Variants in HTR1F observed in about 807,000 individuals in gnomAD.
HTR1F encodes the protein 5-hydroxytryptamine (serotonin) receptor 1F, G protein-coupled.
HTR1F carries 17 observed loss-of-function variants against 24.0 expected under a neutral mutation model. The observed-to-expected ratio is 0.71, with a 90% CI of 0.48 to 1.06. The LOEUF (loss-of-function observed/expected upper bound fraction) is 1.06, where lower values mean the gene tolerates loss of function less well. Ranked by LOEUF, HTR1F falls within the 50% of genes least tolerant of loss-of-function variation. HTR1F has a pLI of 0.00. For synonymous variants in HTR1F, 186 were observed against 156.8 expected, an observed-to-expected ratio of 1.19 and a Z score of -1.39; for missense variants, 391 against 427.8, an observed-to-expected ratio of 0.91 and a Z score of 0.76.
At chr3:87,889,821 A>T (rs1322235564) in intron 2 of HTR1F, among the ~76,000 whole-genome samples, 4 of 152,204 alleles carry the variant, frequency 2.6e-5, no homozygotes, top group Admixed American at 2.6e-4. Flanking sequence ...ATAATTTATG[A>T]GATTAATAAT....
At chr3:87,845,644 A>G (rs1416920775) in intron 2 of HTR1F, among the ~76,000 whole-genome samples, 5 of 151,524 alleles carry the variant, frequency 3.3e-5, no homozygotes, top group Non-Finnish European at 7.4e-5. Context: ...ATATCATGAA[A>G]ATGGCCATAC....
chr3:87,950,982 C>T (rs550379563), intron 2 of HTR1F, among the ~76,000 whole-genome samples: 1 of 152,140 alleles, frequency 6.6e-6, no homozygotes, highest in East Asian at 1.9e-4. Context: ...CCTTCCTGGC[C>T]CTATTTTGTC....
intron 2 of HTR1F, among the ~76,000 whole-genome samples, chr3:87,954,687 C>T (rs543553313): frequency 2.6e-5 from 4 of 151,464 alleles, no homozygotes; most frequent in Admixed American, 6.6e-5. Flanking sequence ...CTGAAAGCCA[C>T]GAAGATAACC....
intron 2 of HTR1F, among the ~76,000 whole-genome samples, chr3:87,836,079 C>T (rs1264656345): frequency 6.6e-6 from 1 of 152,136 alleles, no homozygotes; most frequent in Non-Finnish European, 1.5e-5. Context: ...AGATATCATC[C>T]ATTTATTTTA....
At chr3:87,986,999 G>A (rs1705676092) in intron 2 of HTR1F, among the ~76,000 whole-genome samples, 1 of 151,918 alleles carries the variant, frequency 6.6e-6, no homozygotes, top group Non-Finnish European at 1.5e-5. Flanking sequence ...CCAGCTACTT[G>A]GGAGGCTGAG....
chr3:87,857,900 A>G (rs1705230071), intron 2 of HTR1F, among the ~76,000 whole-genome samples: 1 of 152,190 alleles, frequency 6.6e-6, no homozygotes, highest in Admixed American at 6.6e-5. Context: ...TATTCTGCCT[A>G]CGGCAAGATA....
Position 87,945,419 on chromosome 3 carries a change from T to C in HTR1F, c.-42-45289T>C, listed in dbSNP as rs188009337. Reference sequence around the variant, plus strand: ...GAAGTCGATTCAGAGGTAAGGAGAATTTTGGGGCTACACTTTCAAGAAAGT... The same window carrying C: ...GAAGTCGATTCAGAGGTAAGGAGAACTTTGGGGCTACACTTTCAAGAAAGT... On this transcript the variant is annotated intron_variant, in intron 2 of 2. Coordinates refer to ENST00000319595, the MANE Select transcript of HTR1F (RefSeq NM_001322209.2). 2.3e-4 allele frequency among the ~76,000 whole-genome samples: 35 copies of C among 152,088 alleles called. 1 individual carries two copies. Among genetic ancestry groups the C allele is most frequent in the Middle Eastern group, 3.4e-3 (1 of 294 alleles).
chr3:87,846,910 C>A (rs1283943626), intron 2 of HTR1F, among the ~76,000 whole-genome samples: 1 of 151,624 alleles, frequency 6.6e-6, no homozygotes, highest in Non-Finnish European at 1.5e-5. Context: ...TGGTCAATTA[C>A]CCTTAATTAG....
chr3:87,975,233 T>G (rs1275284928), intron 2 of HTR1F, among the ~76,000 whole-genome samples: 2 of 151,988 alleles, frequency 1.3e-5, no homozygotes, highest in Non-Finnish European at 2.9e-5. Context: ...TCCAAAAATC[T>G]TGGAGAAAAT....
chr3:87,840,584 A>G (rs1431384204), intron 2 of HTR1F, among the ~76,000 whole-genome samples: 1 of 152,166 alleles, frequency 6.6e-6, no homozygotes, highest in Non-Finnish European at 1.5e-5. Flanking sequence ...TGATCCAGCA[A>G]TCCCACTACT....
chr3:87,990,366 G>A (rs574857862), intron 2 of HTR1F, among the ~76,000 whole-genome samples: 1 of 152,078 alleles, frequency 6.6e-6, no homozygotes, highest in African/African-American at 2.4e-5. Flanking sequence ...TATTGAGATC[G>A]GGCCTGCCAC....
chr3:87,968,101 A>G (rs1705205443), intron 2 of HTR1F, among the ~76,000 whole-genome samples: 1 of 152,216 alleles, frequency 6.6e-6, no homozygotes, highest in African/African-American at 2.4e-5. Context: ...AAGCTGGAAT[A>G]CAGGTGACTC....
At chr3:87,873,044 T>C (rs939413870) in intron 2 of HTR1F, among the ~76,000 whole-genome samples, 1 of 151,312 alleles carries the variant, frequency 6.6e-6, no homozygotes, top group African/African-American at 2.4e-5. Context: ...TTAGTCAAGG[T>C]TCTTCAGAGA....
At chr3:87,863,370 T>C (rs1001553792) in intron 2 of HTR1F, among the ~76,000 whole-genome samples, 1 of 152,160 alleles carries the variant, frequency 6.6e-6, no homozygotes, top group Non-Finnish European at 1.5e-5. Context: ...TTTTCAAACA[T>C]TTTATTTGTT....
intron 2 of HTR1F, among the ~76,000 whole-genome samples, chr3:87,886,915 G>C (rs2107295519): frequency 6.6e-6 from 1 of 152,226 alleles, no homozygotes; most frequent in Non-Finnish European, 1.5e-5. Flanking sequence ...GTAATTTATA[G>C]ATTCAATGCC....
At chr3:87,952,638 C>T (rs1339938163) in intron 2 of HTR1F, among the ~76,000 whole-genome samples, 1 of 151,926 alleles carries the variant, frequency 6.6e-6, no homozygotes, top group African/African-American at 2.4e-5. Context: ...AATTGTTTTG[C>T]ATAATTTGCA....
chr3:87,869,659 AC>A (rs1225320794), intron 2 of HTR1F, among the ~76,000 whole-genome samples: 1 of 152,106 alleles, frequency 6.6e-6, no homozygotes, highest in African/African-American at 2.4e-5. Context: ...GAATCAAGAC[AC>A]AAGAAAAACT....
At chr3:87,831,801 C>A (rs1040355793) in intron 2 of HTR1F, among the ~76,000 whole-genome samples, 1 of 152,174 alleles carries the variant, frequency 6.6e-6, no homozygotes, top group African/African-American at 2.4e-5. Context: ...TTCAGCCTTG[C>A]CGTCTGATTG....
At chr3:87,831,426 C>T (rs1310407718) in intron 2 of HTR1F, among the ~76,000 whole-genome samples, 2 of 150,986 alleles carry the variant, frequency 1.3e-5, no homozygotes, top group Non-Finnish European at 3.0e-5. Flanking sequence ...GCAGTGGCGC[C>T]ATCTCGGCTC....
Sources: gnomAD v4.1 joint callset for allele counts (sites outside exome capture counted in the v4.1 genomes callset) on GRCh38, gnomAD v4.1.1 for gene constraint, MANE v1.5 for transcripts, NCBI Gene and HGNC (gene_info 2026-07-23, HGNC 2026-07-21) for gene names.